Variants in PHLPP1 observed in about 807,000 individuals in gnomAD.
PHLPP1 encodes PH domain leucine-rich repeat-containing protein phosphatase 1.
A neutral mutation model predicts 117.2 loss-of-function variants in PHLPP1; 42 were observed. The observed-to-expected ratio is 0.36, with a 90% CI of 0.28 to 0.46. The LOEUF (loss-of-function observed/expected upper bound fraction) is 0.46. PHLPP1 is among the 20% of genes least tolerant of loss of function. The pLI, the probability that PHLPP1 is intolerant of heterozygous loss-of-function variation, is 1.00. For synonymous variants in PHLPP1, 1,042 were observed against 970.7 expected, an observed-to-expected ratio of 1.07 and a Z score of -1.37; for missense variants, 2,084 against 2,241.9, an observed-to-expected ratio of 0.93 and a Z score of 1.42.
chr18:62,979,503 A>T lies in PHLPP1; in HGVS notation c.*72A>T. 6.7e-7 allele frequency: 1 copy of T among 1,482,288 alleles called. No homozygotes were observed. Among genetic ancestry groups the T allele is most frequent in the East Asian group, 2.5e-5 (1 of 40,366 alleles). 91.8% of individuals were successfully genotyped at this position (1,482,288 alleles called of 1,614,324 possible). A position where few individuals can be genotyped will look rare whatever the true frequency, so the allele number is the denominator to read the frequency against. ...TGCAAGAGTCTCCCAGGCTCACATT[A>T]AACCAGGGGTTTTACTCCACATCCT... On this transcript the variant is annotated 3_prime_UTR_variant, in exon 17 of 17. Transcript: ENST00000262719.
chr18:62,853,029 A>G (rs752971377), intron 3 of PHLPP1, among the ~76,000 whole-genome samples: 1 of 152,204 alleles, frequency 6.6e-6, no homozygotes, highest in Admixed American at 6.5e-5. Context: ...GGTCCTAATA[A>G]TAGGCAAAGA....
chr18:62,945,035 A>G (rs1297916856), intron 11 of PHLPP1, 74 bp from the exon 12 acceptor site: 2 of 1,120,440 alleles, frequency 1.8e-6, no homozygotes, highest in Non-Finnish European at 2.4e-6. Context: ...TTAAAGTCAT[A>G]GCAATTTAAT....
At chr18:62,798,946 T>G (rs1364560508) in intron 1 of PHLPP1, among the ~76,000 whole-genome samples, 1 of 152,024 alleles carries the variant, frequency 6.6e-6, no homozygotes, top group Non-Finnish European at 1.5e-5. Flanking sequence ...ACTCAGAAAA[T>G]TGGCAAATTT....
At chr18:62,879,404 A>ATGTGTGTG (rs61701836) in intron 4 of PHLPP1, among the ~76,000 whole-genome samples, 148 of 145,930 alleles carry the variant, frequency 1.0e-3, no homozygotes, top group African/African-American at 3.5e-3. Context: ...TATTCTGGAT[A>ATGTGTGTG]TGTGTGTGTG....
intron 1 of PHLPP1, among the ~76,000 whole-genome samples, chr18:62,722,570 GT>G (rs1910954856): frequency 6.6e-6 from 1 of 152,096 alleles, no homozygotes; most frequent in Non-Finnish European, 1.5e-5. Flanking sequence ...TGGAACACTG[GT>G]AATGAGGGGT....
At chr18:62,738,415 C>T (rs1298465080) in intron 1 of PHLPP1, among the ~76,000 whole-genome samples, 1 of 152,080 alleles carries the variant, frequency 6.6e-6, no homozygotes. Context: ...TAAAAAAATG[C>T]AGTATAACAA....
At chr18:62,804,361 T>C (rs1430882972) in intron 1 of PHLPP1, among the ~76,000 whole-genome samples, 2 of 150,980 alleles carry the variant, frequency 1.3e-5, no homozygotes, top group Non-Finnish European at 3.0e-5. Flanking sequence ...GGGGTGTATG[T>C]GTAGGGGGAA....
chr18:62,903,763 C>G (rs1460973691), intron 7 of PHLPP1, among the ~76,000 whole-genome samples: 1 of 146,306 alleles, frequency 6.8e-6, no homozygotes, highest in African/African-American at 2.6e-5. Flanking sequence ...GAGCGAGACC[C>G]TGTCTCAAAA....
At chr18:62,810,732 C>T (rs993241400) in intron 1 of PHLPP1, among the ~76,000 whole-genome samples, 3 of 152,146 alleles carry the variant, frequency 2.0e-5, no homozygotes, top group African/African-American at 7.2e-5. Context: ...GACTACTGTA[C>T]TCTCACTGCA....
intron 8 of PHLPP1, among the ~76,000 whole-genome samples, chr18:62,912,305 A>C (rs1916976452): frequency 7.6e-6 from 1 of 132,436 alleles, no homozygotes; most frequent in African/African-American, 3.6e-5. Context: ...AGTATAATAA[A>C]AAAAAAAAAT....
chr18:62,718,085 A>T (rs1910815471), intron 1 of PHLPP1, among the ~76,000 whole-genome samples: 1 of 152,186 alleles, frequency 6.6e-6, no homozygotes, highest in South Asian at 2.1e-4. Flanking sequence ...GGGGTGACCC[A>T]TGTAATGTTT....
At chr18:62,931,964 A>C (rs1368088740) in intron 10 of PHLPP1, among the ~76,000 whole-genome samples, 3 of 152,098 alleles carry the variant, frequency 2.0e-5, no homozygotes, top group African/African-American at 7.2e-5. Flanking sequence ...CAGAAACAGA[A>C]AAGATCCTCA....
chr18:62,803,768 A>C (rs967266776), intron 1 of PHLPP1, among the ~76,000 whole-genome samples: 2 of 152,236 alleles, frequency 1.3e-5, no homozygotes, highest in African/African-American at 4.8e-5. Flanking sequence ...TAGATTCTGC[A>C]AACAATTGTA....
intron 3 of PHLPP1, among the ~76,000 whole-genome samples, chr18:62,852,023 C>T (rs374540392): frequency 6.6e-6 from 1 of 151,302 alleles, no homozygotes; most frequent in Non-Finnish European, 1.5e-5. Flanking sequence ...ACTATAGGCA[C>T]GTGCCACCAC....
intron 10 of PHLPP1, among the ~76,000 whole-genome samples, chr18:62,924,660 C>A (rs1909570051): frequency 1.4e-5 from 2 of 140,876 alleles, no homozygotes; most frequent in African/African-American, 2.7e-5. Context: ...ATGGCAAGAC[C>A]CTGTCACTAC....
chr18:62,963,806 G>T (rs1236409391), intron 14 of PHLPP1, among the ~76,000 whole-genome samples: 1 of 152,154 alleles, frequency 6.6e-6, no homozygotes, highest in Non-Finnish European at 1.5e-5. Context: ...ATCTTCCTCT[G>T]ACGCTTGTTT....
At chr18:62,747,063 T>C (rs1372756605) in intron 1 of PHLPP1, among the ~76,000 whole-genome samples, 3 of 152,146 alleles carry the variant, frequency 2.0e-5, no homozygotes, top group Non-Finnish European at 4.4e-5. Context: ...GTTCCTTCTC[T>C]TTACTGTTGG....
rs35464959 is a variant in PHLPP1, at chr18:62,924,676, G to GA, written c.2960+4585dup. ...TGGCAAGACCCTGTCACTACAAATT[G>GA]AAAAAAAAAAAAAAAAAAAAAAAGT... On this transcript the variant is annotated intron_variant, in intron 10 of 16. Transcript: ENST00000262719. 4.0e-3 allele frequency among the ~76,000 whole-genome samples: 374 copies of GA among 93,534 alleles called. 1 individual carries two copies. Among genetic ancestry groups the GA allele is most frequent in the East Asian group, 7.9e-3 (24 of 3,022 alleles). The allele number at this position is 93,534 out of a possible 152,430, so 61.4% of individuals were successfully genotyped here.
At position 62,920,017 on chromosome 18, in the gene PHLPP1, C is replaced by T; in HGVS notation, c.2863C>T (p.Leu955=). The T allele has an allele frequency of 6.2e-7, 1 of 1,611,192 alleles. No homozygotes were observed. Among genetic ancestry groups the T allele is most frequent in the Non-Finnish European group, 8.5e-7 (1 of 1,178,406 alleles). Residue 955 remains leucine, a synonymous_variant, in exon 10 of 17, where the codon CTG becomes TTG. Coordinates refer to ENST00000262719, the MANE Select transcript of PHLPP1 (RefSeq NM_194449.4). ...LLAGHNQLAR[L]PERLERTSVE... ...GGCAGGACACAACCAGTTGGCAAGG[C>T]TGCCTGAAAGGCTAGAAAGAACCTC...
Sources: gnomAD v4.1 joint callset for allele counts (sites outside exome capture counted in the v4.1 genomes callset) on GRCh38, gnomAD v4.1.1 for gene constraint, MANE v1.5 for transcripts, NCBI Gene and HGNC (gene_info 2026-07-23, HGNC 2026-07-21) for gene names.